Variants in CAST observed in about 807,000 individuals in gnomAD.
The protein encoded by CAST is MIR583 host.
A neutral mutation model predicts 119.6 loss-of-function variants in CAST; 76 were observed. The ratio of observed to expected loss-of-function variants is 0.64; its 90% CI spans 0.53 to 0.77. The LOEUF is 0.77. CAST is among the 30% of genes least tolerant of loss of function. The pLI, the probability that CAST is intolerant of heterozygous loss-of-function variation, is 0.00. For synonymous variants in CAST, 319 were observed against 331.6 expected, an observed-to-expected ratio of 0.96 and a Z score of 0.41; for missense variants, 953 against 946.5, an observed-to-expected ratio of 1.01 and a Z score of -0.09.
chr5:96,502,467 C>A, the CAST span, among the ~76,000 whole-genome samples: 3 of 150,954 alleles, frequency 2.0e-5, no homozygotes, highest in Non-Finnish European at 3.0e-5. Flanking sequence ...TTTTTTATTT[C>A]TTAAAATTAA....
the CAST span, among the ~76,000 whole-genome samples, chr5:96,255,754 G>T: frequency 6.6e-6 from 1 of 152,072 alleles, no homozygotes; most frequent in Non-Finnish European, 1.5e-5. Flanking sequence ...TGAGACTGTG[G>T]CTTGATTCTC....
At chr5:96,227,613 A>G in the CAST span, among the ~76,000 whole-genome samples, 1 of 152,206 alleles carries the variant, frequency 6.6e-6, no homozygotes, top group Admixed American at 6.5e-5. Flanking sequence ...GAGAGGGGGA[A>G]AAAGTGCCAT....
chr5:96,018,592 A>G, the CAST span, among the ~76,000 whole-genome samples: 9 of 152,326 alleles, frequency 5.9e-5, no homozygotes, highest in East Asian at 1.7e-3. Flanking sequence ...GACTGTGAGC[A>G]AAGTTGCCTT....
the CAST span, among the ~76,000 whole-genome samples, chr5:96,295,451 C>A: frequency 6.6e-6 from 1 of 152,126 alleles, no homozygotes; most frequent in African/African-American, 2.4e-5. Context: ...ATGACATTGA[C>A]AGTGGTAAAC....
chr5:96,383,487 G>A, the CAST span, among the ~76,000 whole-genome samples: 8 of 152,134 alleles, frequency 5.3e-5, no homozygotes, highest in East Asian at 1.2e-3. Flanking sequence ...TCTCTCTGTC[G>A]CCAGGCTGGA....
At chr5:96,110,205 G>A in the CAST span, among the ~76,000 whole-genome samples, 53 of 152,236 alleles carry the variant, frequency 3.5e-4, no homozygotes, top group African/African-American at 1.2e-3. Context: ...ATTACAGTGG[G>A]GGTGGCTGGT....
At chr5:96,680,661 T>C (rs573340642) in intron 2 of CAST, among the ~76,000 whole-genome samples, 17 of 152,256 alleles carry the variant, frequency 1.1e-4, no homozygotes, top group African/African-American at 3.9e-4. Context: ...TTTAAGTATA[T>C]AGAAAACCAT....
chr5:96,582,208 C>T (rs1746782757), intron 1 of CAST, among the ~76,000 whole-genome samples: 1 of 150,450 alleles, frequency 6.6e-6, no homozygotes, highest in African/African-American at 2.4e-5. Context: ...GAAAGAGAGG[C>T]AAATTTTTCA....
At chr5:96,362,639 G>A in the CAST span, among the ~76,000 whole-genome samples, 6 of 152,176 alleles carry the variant, frequency 3.9e-5, no homozygotes, top group African/African-American at 1.4e-4. Context: ...CTTCTTTTCA[G>A]AGGTGTCTGT....
At chr5:96,112,211 G>A in the CAST span, among the ~76,000 whole-genome samples, 3 of 151,936 alleles carry the variant, frequency 2.0e-5, no homozygotes, top group Admixed American at 2.0e-4. Context: ...TATTCTGAGA[G>A]GTGTGTCTGG....
At chr5:96,032,878 G>A in the CAST span, among the ~76,000 whole-genome samples, 45 of 152,186 alleles carry the variant, frequency 3.0e-4, no homozygotes, top group South Asian at 9.1e-3. Context: ...AAAGAAAGAA[G>A]TTAAATTGTT....
the CAST span, among the ~76,000 whole-genome samples, chr5:96,171,625 C>G: frequency 0.025 from 3,809 of 152,292 alleles, 176 homozygotes; most frequent in African/African-American, 0.088. Flanking sequence ...CCGTGACCAG[C>G]GCCAGAGTTT....
At chr5:96,417,754 T>C in the CAST span, among the ~76,000 whole-genome samples, 1 of 152,244 alleles carries the variant, frequency 6.6e-6, no homozygotes. Context: ...TTCTTTCATT[T>C]GCAACTGAAG....
the CAST span, among the ~76,000 whole-genome samples, chr5:96,298,471 T>G: frequency 2.8e-4 from 42 of 152,304 alleles, no homozygotes; most frequent in African/African-American, 8.9e-4. Context: ...TTGACTTCAT[T>G]TCTCACTGTT....
At chr5:96,406,511 T>A in the CAST span, among the ~76,000 whole-genome samples, 5 of 152,302 alleles carry the variant, frequency 3.3e-5, no homozygotes, top group African/African-American at 9.6e-5. Flanking sequence ...GGACTCTTGG[T>A]AAGAGCCTTG....
the CAST span, among the ~76,000 whole-genome samples, chr5:96,359,766 T>C: frequency 2.6e-4 from 40 of 152,186 alleles, no homozygotes; most frequent in African/African-American, 8.9e-4. Flanking sequence ...GCCCTTAACA[T>C]TTTTTCCTTC....
the CAST span, among the ~76,000 whole-genome samples, chr5:96,214,019 T>C: frequency 1.7e-3 from 255 of 152,278 alleles, 4 homozygotes; most frequent in Non-Finnish European, 1.7e-3. Context: ...TAGCAAATCT[T>C]GAAGATCTTT....
intron 2 of CAST, among the ~76,000 whole-genome samples, chr5:96,687,144 A>T (rs901564895): frequency 1.3e-5 from 2 of 152,200 alleles, no homozygotes; most frequent in Non-Finnish European, 2.9e-5. Context: ...GACCTATAGG[A>T]TTCTTGCTTA....
In CAST at chr5:96,727,341, A is replaced by T. The variant is rs113858657; in HGVS notation, c.337-148A>T. ...GAGTTGCAATTTCAAGCAAAGTGTA[A>T]CAAACTTAACTGATAATGTTTATAA... is the stretch of plus-strand genomic sequence containing the variant. On this transcript the variant is annotated intron_variant, in intron 5 of 31. Transcript: ENST00000675179. 9.2e-3 allele frequency: 4,761 copies of T among 517,700 alleles called. 39 individuals carry two copies. Among genetic ancestry groups the T allele is most frequent in the Non-Finnish European group, 0.011 (3,297 of 296,658 alleles). The allele number at this position is 517,700 out of a possible 1,614,324, so 32.1% of individuals were successfully genotyped here.
Sources: allele counts gnomAD v4.1 joint callset (sites outside exome capture counted in the v4.1 genomes callset), GRCh38; gene constraint gnomAD v4.1.1; transcripts MANE v1.5; gene names NCBI Gene and HGNC (gene_info 2026-07-23, HGNC 2026-07-21).